The following TMEM156 variants were observed in gnomAD, a reference collection of about 807,000 sequenced individuals.
The protein encoded by TMEM156 is transmembrane protein 156.
A neutral mutation model predicts 30.5 loss-of-function variants in TMEM156; 28 were observed. That is an observed-to-expected ratio of 0.92 (90% CI 0.68 to 1.26). The LOEUF is 1.26. TMEM156 is among the 50% of genes most tolerant of loss of function. The pLI, the probability that TMEM156 is intolerant of heterozygous loss-of-function variation, is 0.00. For missense variants in TMEM156, 351 were observed against 340.6 expected, an observed-to-expected ratio of 1.03 and a Z score of -0.24; for synonymous variants, 137 against 119.9, an observed-to-expected ratio of 1.14 and a Z score of -0.93.
chr4:39,017,172 T>TTTTC (rs1714548110), intron 1 of TMEM156, among the ~76,000 whole-genome samples: 1 of 19,446 alleles, frequency 5.1e-5, no homozygotes, highest in East Asian at 1.6e-3. Flanking sequence ...GTATTTCTTC[T>TTTTC]TTTTTTTTTT....
chr4:39,009,478 C>T (rs924103668), intron 1 of TMEM156, among the ~76,000 whole-genome samples: 1 of 152,052 alleles, frequency 6.6e-6, no homozygotes, highest in African/African-American at 2.4e-5. Context: ...CCTTGATGAA[C>T]ATAGATGCAA....
intron 1 of TMEM156, among the ~76,000 whole-genome samples, chr4:39,017,730 A>G (rs1028119977): frequency 2.0e-5 from 3 of 152,188 alleles, no homozygotes; most frequent in African/African-American, 7.2e-5. Flanking sequence ...TATTCTTGTG[A>G]ATTGAAACTT....
chr4:38,995,654 G>A (rs764537839), intron 2 of TMEM156, among the ~76,000 whole-genome samples: 78 of 152,326 alleles, frequency 5.1e-4, no homozygotes, highest in Non-Finnish European at 9.3e-4. Context: ...GGCAGAGGTT[G>A]TAGTGAGCCA....
chr4:39,007,602 G>A (rs1017054971), intron 1 of TMEM156, among the ~76,000 whole-genome samples: 9 of 151,938 alleles, frequency 5.9e-5, no homozygotes, highest in Non-Finnish European at 1.2e-4. Flanking sequence ...CTACAGGCAC[G>A]TGCCACCACA....
Position 38,996,390 on chromosome 4 carries a change from G to A in TMEM156, c.358+2250C>T, listed in dbSNP as rs867497535. On this transcript the variant is annotated intron_variant, in intron 2 of 6. Coordinates refer to ENST00000381938, the MANE Select transcript of TMEM156 (RefSeq NM_024943.3). ...CCTGGCCAACACATGGTGAAACCCC[G>A]TCTCTACTAAAAATACAAAAAAAAA... 1.2e-4 allele frequency among the ~76,000 whole-genome samples: 17 copies of A among 147,384 alleles called. No individual in the cohort carries two copies. The Middle Eastern group carries it at 0.028, about 239-fold the overall frequency.
chr4:39,013,196 G>A, intron 1 of TMEM156, among the ~76,000 whole-genome samples: 1 of 151,166 alleles, frequency 6.6e-6, no homozygotes, highest in East Asian at 2.0e-4. Context: ...AGCTACTCGG[G>A]AAACTGAGGT....
At chr4:38,978,213 C>T (rs1722974044) in intron 5 of TMEM156, among the ~76,000 whole-genome samples, 1 of 152,098 alleles carries the variant, frequency 6.6e-6, no homozygotes, top group Admixed American at 6.5e-5. Flanking sequence ...TCCAAAACTA[C>T]TTGTTCAGCT....
chr4:39,005,224 G>A (rs62296094), intron 1 of TMEM156, among the ~76,000 whole-genome samples: 9,785 of 152,258 alleles, frequency 0.064, 437 homozygotes, highest in Middle Eastern at 0.13. Flanking sequence ...TGTAATGTAC[G>A]ATTCGGCTTT....
intron 1 of TMEM156, among the ~76,000 whole-genome samples, chr4:39,027,759 T>TTC: frequency 2.9e-5 from 1 of 34,242 alleles, no homozygotes; most frequent in African/African-American, 1.4e-4. Flanking sequence ...TTTCTTTTTC[T>TTC]TTTTTTTTTT....
chr4:38,981,633 G>A (rs944959616), intron 5 of TMEM156, among the ~76,000 whole-genome samples: 1 of 152,274 alleles, frequency 6.6e-6, no homozygotes, highest in South Asian at 2.1e-4. Flanking sequence ...CCCTGGCTCT[G>A]TTAGAAACCA....
At chr4:38,993,356 G>A (rs914748657) in intron 3 of TMEM156, among the ~76,000 whole-genome samples, 12 of 152,040 alleles carry the variant, frequency 7.9e-5, no homozygotes, top group East Asian at 1.9e-4. Context: ...ACCTGAGCCC[G>A]GGGAAGTCAA....
chr4:38,990,829 G>GTTTTTTTTTTTTTGTTTT (rs1712371691), intron 3 of TMEM156, among the ~76,000 whole-genome samples: 7 of 84,518 alleles, frequency 8.3e-5, no homozygotes, highest in Admixed American at 4.1e-4. Context: ...TTTGTTTTCT[G>GTTTTTTTTTTTTTGTTTT]GTTTTTTTTT....
chr4:39,028,076 C>T (rs539793896), intron 1 of TMEM156, among the ~76,000 whole-genome samples: 47 of 151,978 alleles, frequency 3.1e-4, no homozygotes, highest in Non-Finnish European at 3.7e-4. Context: ...TTAATAGAGA[C>T]GGGGTTTCAC....
chr4:38,986,787 G>GA (rs1187601354), intron 4 of TMEM156, among the ~76,000 whole-genome samples: 2 of 101,982 alleles, frequency 2.0e-5, no homozygotes, highest in Non-Finnish European at 1.8e-5. Context: ...CAGCCTGGAC[G>GA]AAAGAGTGAG....
At chr4:38,992,485 G>A (rs552509756) in intron 3 of TMEM156, among the ~76,000 whole-genome samples, 1 of 151,594 alleles carries the variant, frequency 6.6e-6, no homozygotes, top group South Asian at 2.1e-4. Context: ...AGTTATGCAA[G>A]TATGTAAGAT....
At chr4:38,970,245 C>T (rs1722532627) in intron 6 of TMEM156, among the ~76,000 whole-genome samples, 1 of 152,004 alleles carries the variant, frequency 6.6e-6, no homozygotes, top group East Asian at 1.9e-4. Context: ...AGTAGCAGGG[C>T]CCCACTCTTC....
chr4:38,982,261 T>A (rs1322533934), intron 5 of TMEM156, among the ~76,000 whole-genome samples: 2 of 152,222 alleles, frequency 1.3e-5, no homozygotes, highest in African/African-American at 4.8e-5. Context: ...GCTTCCTTAC[T>A]CCTCAGCTTG....
intron 3 of TMEM156, among the ~76,000 whole-genome samples, chr4:38,989,360 C>T (rs1025010461): frequency 8.5e-5 from 13 of 152,134 alleles, no homozygotes; most frequent in Admixed American, 3.9e-4. Context: ...AATATGTCCT[C>T]AAATCAGCAA....
intron 4 of TMEM156, among the ~76,000 whole-genome samples, chr4:38,986,787 G>A (rs566831049): frequency 1.5e-4 from 15 of 102,028 alleles, no homozygotes; most frequent in Non-Finnish European, 2.1e-4. Flanking sequence ...CAGCCTGGAC[G>A]AAAGAGTGAG....
Sources: allele counts gnomAD v4.1 joint callset (sites outside exome capture counted in the v4.1 genomes callset), GRCh38; gene constraint gnomAD v4.1.1; transcripts MANE v1.5; gene names NCBI Gene and HGNC (gene_info 2026-07-23, HGNC 2026-07-21).